CDH13: variants seen among roughly 807,000 people sequenced by gnomAD.
The protein encoded by CDH13 is cadherin-13.
CDH13 carries 24 observed loss-of-function variants against 63.8 expected under a neutral mutation model. That is an observed-to-expected ratio of 0.38 (90% CI 0.27 to 0.53). The LOEUF is 0.53. CDH13 is among the 20% of genes least tolerant of loss of function. The pLI is 0.85. For missense variants in CDH13, 1,049 were observed against 903.1 expected (o/e 1.16, Z -2.07); for synonymous variants, 503 against 355.3 (o/e 1.42, Z -4.67).
At chr16:83,783,771 T>C (rs1479629425) in intron 13 of CDH13, among the ~76,000 whole-genome samples, 2 of 152,220 alleles carry the variant, frequency 1.3e-5, no homozygotes, top group Non-Finnish European at 2.9e-5. Context: ...CTTGAGCTAA[T>C]GAAAATGCGC....
intron 1 of CDH13, among the ~76,000 whole-genome samples, chr16:82,828,664 GTA>G (rs58371580): frequency 0.28 from 36,846 of 133,428 alleles, 4,706 homozygotes; most frequent in Non-Finnish European, 0.29. Context: ...GTGTGTGTGT[GTA>G]TATATATATA....
chr16:82,892,289 T>C (rs1232063054), intron 2 of CDH13, among the ~76,000 whole-genome samples: 1 of 152,234 alleles, frequency 6.6e-6, no homozygotes, highest in Non-Finnish European at 1.5e-5. Context: ...TTGTTATTAT[T>C]ACTTGTTCAC....
intron 2 of CDH13, among the ~76,000 whole-genome samples, chr16:82,970,759 G>A (rs563757946): frequency 2.0e-5 from 3 of 152,040 alleles, no homozygotes; most frequent in Non-Finnish European, 4.4e-5. Context: ...TTCCAGTGCT[G>A]TATTTACCAA....
chr16:83,658,980 C>G (rs574678223), intron 8 of CDH13, among the ~76,000 whole-genome samples: 2 of 139,532 alleles, frequency 1.4e-5, no homozygotes, highest in African/African-American at 5.5e-5. Flanking sequence ...AGCAAGGTCC[C>G]ATGTCCTCAC....
chr16:83,739,583 C>T (rs961408050), intron 10 of CDH13, among the ~76,000 whole-genome samples: 1 of 151,948 alleles, frequency 6.6e-6, no homozygotes, highest in African/African-American at 2.4e-5. Context: ...AACTAAGCCC[C>T]CTTTGACAGC....
chr16:83,275,238 C>T (rs1352576545), intron 5 of CDH13, among the ~76,000 whole-genome samples: 3 of 152,134 alleles, frequency 2.0e-5, no homozygotes, highest in Non-Finnish European at 4.4e-5. Flanking sequence ...GGCCACATAA[C>T]TTGAGATAAT....
At chr16:83,651,271 C>G (rs992086649) in intron 8 of CDH13, among the ~76,000 whole-genome samples, 11 of 152,166 alleles carry the variant, frequency 7.2e-5, no homozygotes, top group African/African-American at 2.7e-4. Flanking sequence ...TATTTCTTTG[C>G]TCATGAAATT....
intron 1 of CDH13, among the ~76,000 whole-genome samples, chr16:82,856,353 C>T (rs1195194428): frequency 4.7e-5 from 6 of 127,146 alleles, no homozygotes; most frequent in Non-Finnish European, 9.6e-5. Flanking sequence ...CCAGCCTGGG[C>T]AACAGAGAGA....
At chr16:83,150,257 A>G (rs368160688) in intron 4 of CDH13, among the ~76,000 whole-genome samples, 13 of 152,292 alleles carry the variant, frequency 8.5e-5, no homozygotes, top group African/African-American at 3.1e-4. Context: ...TAAGTCACTT[A>G]AGCAAACAGA....
intron 11 of CDH13, among the ~76,000 whole-genome samples, chr16:83,764,720 C>G (rs946608104): frequency 6.4e-5 from 9 of 141,498 alleles, no homozygotes; most frequent in African/African-American, 2.3e-4. Context: ...CAGCCCTTTA[C>G]TCTTGCATCC....
rs149930677 is a variant in CDH13, at chr16:83,013,073, T to C, written c.158-18937T>C. ...GGCTTAGAGCAGATCTCTTGCAAAA[T>C]GCGAGAAAAAATATGACCTTGGCCT... On this transcript the variant is annotated intron_variant, in intron 2 of 13. Transcript: ENST00000567109. Among the ~76,000 whole-genome samples, 29 of 152,258 alleles carry C rather than the reference T, an allele frequency of 1.9e-4. No individual in the cohort carries two copies. In the East Asian group the frequency reaches 3.5e-3, roughly 18 times the overall value.
intron 1 of CDH13, among the ~76,000 whole-genome samples, chr16:82,781,324 C>G (rs8055866): frequency 1.5e-4 from 23 of 152,134 alleles, no homozygotes; most frequent in African/African-American, 5.3e-4. Flanking sequence ...AAGGGTCCTG[C>G]CTACCGTTCT....
chr16:82,865,500 T>C (rs1272937095), intron 2 of CDH13, among the ~76,000 whole-genome samples: 1 of 152,228 alleles, frequency 6.6e-6, no homozygotes, highest in Non-Finnish European at 1.5e-5. Context: ...GCTTGGGGCT[T>C]GCACCCTCTG....
At chr16:83,338,497 C>T (rs1236710629) in intron 5 of CDH13, among the ~76,000 whole-genome samples, 1 of 152,208 alleles carries the variant, frequency 6.6e-6, no homozygotes, top group Non-Finnish European at 1.5e-5. Flanking sequence ...CTAATAAACT[C>T]CCGTCCTCAT....
intron 4 of CDH13, among the ~76,000 whole-genome samples, chr16:83,154,587 C>A (rs970860558): frequency 2.0e-5 from 3 of 151,098 alleles, no homozygotes; most frequent in Non-Finnish European, 4.4e-5. Context: ...AAAATTGTAT[C>A]TTTTACTAGT....
chr16:83,173,902 G>C (rs2038021233), intron 4 of CDH13, among the ~76,000 whole-genome samples: 1 of 152,008 alleles, frequency 6.6e-6, no homozygotes, highest in African/African-American at 2.4e-5. Flanking sequence ...TTATGACTTA[G>C]AACATGCCAT....
At chr16:83,084,789 G>A (rs1483049917) in intron 3 of CDH13, among the ~76,000 whole-genome samples, 6 of 152,308 alleles carry the variant, frequency 3.9e-5, no homozygotes, top group South Asian at 2.1e-4. Flanking sequence ...TCAGGAGGCT[G>A]AGGCAGGAGA....
chr16:83,467,637 T>G (rs903377406), intron 6 of CDH13, among the ~76,000 whole-genome samples: 2 of 152,200 alleles, frequency 1.3e-5, no homozygotes, highest in African/African-American at 4.8e-5. Context: ...ACGAGACACC[T>G]GTGTGCTTCT....
At chr16:82,872,026 G>A (rs1432271782) in intron 2 of CDH13, among the ~76,000 whole-genome samples, 1 of 152,164 alleles carries the variant, frequency 6.6e-6, no homozygotes, top group African/African-American at 2.4e-5. Context: ...TCTTAGCCAG[G>A]CCTGGGGAAA....
Sources: gnomAD v4.1 joint callset for allele counts (sites outside exome capture counted in the v4.1 genomes callset) on GRCh38, gnomAD v4.1.1 for gene constraint, MANE v1.5 for transcripts, NCBI Gene and HGNC (gene_info 2026-07-23, HGNC 2026-07-21) for gene names.